The following SLC35D4 variants were observed in gnomAD, a reference collection of about 807,000 sequenced individuals.
SLC35D4 encodes UDP-N-acetylglucosamine transporter SLC35D4.
chr18:23,361,178 A>G, the SLC35D4 span, among the ~76,000 whole-genome samples: 4 of 151,786 alleles, frequency 2.6e-5, no homozygotes, highest in Non-Finnish European at 4.4e-5. Flanking sequence ...AAAAGAATTG[A>G]GCCCTGCTGT....
the SLC35D4 span, among the ~76,000 whole-genome samples, chr18:23,289,168 C>G: frequency 6.6e-6 from 1 of 152,198 alleles, no homozygotes; most frequent in Non-Finnish European, 1.5e-5. Context: ...TTTACACTGC[C>G]AGTTTACACT....
At chr18:23,409,981 A>G in the SLC35D4 span, among the ~76,000 whole-genome samples, 1 of 152,184 alleles carries the variant, frequency 6.6e-6, no homozygotes, top group South Asian at 2.1e-4. Flanking sequence ...GAGATGATTT[A>G]ACGTATATGG....
the SLC35D4 span, chr18:23,253,972 A>G: frequency 1.3e-6 from 2 of 1,566,412 alleles, no homozygotes; most frequent in Non-Finnish European, 1.8e-6. Context: ...GGAGGAGCAC[A>G]TGCTCCGGTC....
the SLC35D4 span, among the ~76,000 whole-genome samples, chr18:23,417,435 G>A: frequency 1.4e-4 from 22 of 151,970 alleles, no homozygotes; most frequent in Admixed American, 5.9e-4. Context: ...AACAAATATT[G>A]TACAACTCAA....
the SLC35D4 span, among the ~76,000 whole-genome samples, chr18:23,307,382 C>T: frequency 6.6e-6 from 1 of 152,218 alleles, no homozygotes; most frequent in Non-Finnish European, 1.5e-5. Flanking sequence ...TCCCTGCAGA[C>T]CACAACCCAA....
the SLC35D4 span, among the ~76,000 whole-genome samples, chr18:23,347,691 CT>C: frequency 6.6e-6 from 1 of 152,172 alleles, no homozygotes; most frequent in East Asian, 1.9e-4. Context: ...TCCCAAAGTG[CT>C]TGGATTATAG....
At chr18:23,339,178 A>G in the SLC35D4 span, among the ~76,000 whole-genome samples, 79 of 152,360 alleles carry the variant, frequency 5.2e-4, 1 homozygote, top group Middle Eastern at 0.014. Flanking sequence ...GGCATGAGCC[A>G]CCACACCTAG....
chr18:23,358,245 C>T, the SLC35D4 span, among the ~76,000 whole-genome samples: 1 of 152,116 alleles, frequency 6.6e-6, no homozygotes, highest in East Asian at 1.9e-4. Flanking sequence ...TGAGGAACGG[C>T]GGAGAGGGAG....
the SLC35D4 span, among the ~76,000 whole-genome samples, chr18:23,294,396 G>A: frequency 2.6e-5 from 4 of 152,094 alleles, no homozygotes; most frequent in East Asian, 1.9e-4. Context: ...TTCATTCAGC[G>A]CTGAGCACGT....
At chr18:23,406,407 G>A in the SLC35D4 span, among the ~76,000 whole-genome samples, 1 of 152,202 alleles carries the variant, frequency 6.6e-6, no homozygotes, top group Non-Finnish European at 1.5e-5. Context: ...GACCTTCGTG[G>A]TGTTAAAGCA....
chr18:23,319,506 C>A, the SLC35D4 span, among the ~76,000 whole-genome samples: 1 of 152,014 alleles, frequency 6.6e-6, no homozygotes, highest in South Asian at 2.1e-4. Flanking sequence ...TCCAATGGTG[C>A]GATCTTGGCT....
the SLC35D4 span, among the ~76,000 whole-genome samples, chr18:23,360,755 C>T: frequency 1.3e-5 from 2 of 152,114 alleles, no homozygotes; most frequent in African/African-American, 2.4e-5. Flanking sequence ...ATGTAAATTA[C>T]ATATCAATTT....
chr18:23,332,422 G>A, the SLC35D4 span, among the ~76,000 whole-genome samples: 23 of 123,436 alleles, frequency 1.9e-4, no homozygotes, highest in South Asian at 6.4e-3. Flanking sequence ...GTTGTATTAT[G>A]TAGATGTTGT....
the SLC35D4 span, among the ~76,000 whole-genome samples, chr18:23,423,220 C>A: frequency 6.6e-6 from 1 of 152,208 alleles, no homozygotes; most frequent in Non-Finnish European, 1.5e-5. Context: ...CCATAATGTT[C>A]TTCCCATCTC....
the SLC35D4 span, among the ~76,000 whole-genome samples, chr18:23,286,788 A>G: frequency 1.3e-4 from 19 of 150,572 alleles, no homozygotes; most frequent in South Asian, 4.3e-4. Context: ...CCTTTTAGTT[A>G]TCCCCACCTG....
At chr18:23,297,794 A>T in the SLC35D4 span, 4 of 542,328 alleles carry the variant, frequency 7.4e-6, no homozygotes, top group African/African-American at 7.7e-5. Context: ...GACCCCCAGA[A>T]AGGGTGCTCC....
chr18:23,247,199 C>G, the SLC35D4 span, among the ~76,000 whole-genome samples: 1 of 152,228 alleles, frequency 6.6e-6, no homozygotes, highest in East Asian at 1.9e-4. Flanking sequence ...GGAGGCCCGG[C>G]CTCTAAGGGC....
the SLC35D4 span, among the ~76,000 whole-genome samples, chr18:23,301,487 T>G: frequency 6.6e-6 from 1 of 152,196 alleles, no homozygotes; most frequent in Non-Finnish European, 1.5e-5. Context: ...ACTCAAAGAT[T>G]ATATACGATC....
the SLC35D4 span, among the ~76,000 whole-genome samples, chr18:23,425,769 A>G: frequency 6.6e-6 from 1 of 152,244 alleles, no homozygotes; most frequent in Non-Finnish European, 1.5e-5. Flanking sequence ...GACAGTCTGT[A>G]TATGATATTA....
Sources: gnomAD v4.1 joint callset for allele counts (sites outside exome capture counted in the v4.1 genomes callset) on GRCh38, gnomAD v4.1.1 for gene constraint, MANE v1.5 for transcripts, NCBI Gene and HGNC (gene_info 2026-07-23, HGNC 2026-07-21) for gene names.